The following TUBA1C variants were observed in gnomAD, a reference collection of about 807,000 sequenced individuals.
TUBA1C encodes tubulin alpha-1C chain.
A neutral mutation model predicts 34.9 loss-of-function variants in TUBA1C; 16 were observed. That is an observed-to-expected ratio of 0.46 (90% CI 0.31 to 0.70). TUBA1C has a LOEUF of 0.70. Ranked by LOEUF, TUBA1C falls within the 30% of genes least tolerant of loss-of-function variation. The pLI, the probability that TUBA1C is intolerant of heterozygous loss-of-function variation, is 0.05. For missense variants in TUBA1C, 329 were observed against 587.3 expected, an observed-to-expected ratio of 0.56 and a Z score of 4.55; for synonymous variants, 177 against 215.9, an observed-to-expected ratio of 0.82 and a Z score of 1.58.
intron 1 of TUBA1C, among the ~76,000 whole-genome samples, chr12:49,246,185 C>T (rs985738833): frequency 1.3e-5 from 2 of 149,868 alleles, no homozygotes; most frequent in Non-Finnish European, 3.0e-5. Flanking sequence ...AGATTACAGG[C>T]GTGAGCCACT....
At chr12:49,270,398 G>A (rs1228904459) in intron 3 of TUBA1C, among the ~76,000 whole-genome samples, 10 of 152,208 alleles carry the variant, frequency 6.6e-5, no homozygotes, top group Non-Finnish European at 1.2e-4. Context: ...TGCTGAAAGT[G>A]GAGTCGGGAG....
intron 1 of TUBA1C, among the ~76,000 whole-genome samples, chr12:49,253,647 C>A (rs1942752998): frequency 6.6e-6 from 1 of 152,132 alleles, no homozygotes; most frequent in East Asian, 1.9e-4. Context: ...CCCACCTCAG[C>A]CTCCCCAGTA....
rs1943023399 is a variant in TUBA1C at position 49,273,464 on chromosome 12, ATTG to A, written c.*238_*240del. ...GCAGTGGCATGATAATACATAGCTC[ATTG>A]CAGCCTCGAGCTCCTGGACTCATGT... is the stretch of plus-strand genomic sequence containing the variant. On this transcript the variant is annotated 3_prime_UTR_variant, in exon 4 of 4. Transcript: ENST00000301072. 1.6e-6 allele frequency: 1 copy of A among 635,572 alleles called. No homozygotes were observed. 39.4% of individuals were successfully genotyped at this position (635,572 alleles called of 1,614,324 possible).
upstream of TUBA1C, among the ~76,000 whole-genome samples, chr12:49,261,379 G>C (rs538865701): frequency 6.6e-5 from 10 of 152,178 alleles, no homozygotes; most frequent in East Asian, 1.9e-3. Flanking sequence ...GACTTTTCTA[G>C]GACTTCCCTT....
At chr12:49,231,605 G>A (rs1942497681) in intron 1 of TUBA1C, among the ~76,000 whole-genome samples, 1 of 152,210 alleles carries the variant, frequency 6.6e-6, no homozygotes, top group African/African-American at 2.4e-5. Flanking sequence ...TAACACTGGA[G>A]AGAACACGGC....
intron 1 of TUBA1C, among the ~76,000 whole-genome samples, chr12:49,247,743 C>T (rs2136999532): frequency 6.6e-6 from 1 of 151,736 alleles, no homozygotes; most frequent in Admixed American, 6.6e-5. Flanking sequence ...GTTAGGAGTT[C>T]AAGACCAGCT....
intron 1 of TUBA1C, among the ~76,000 whole-genome samples, chr12:49,240,471 C>T (rs1392613160): frequency 2.0e-5 from 3 of 152,124 alleles, no homozygotes; most frequent in Non-Finnish European, 4.4e-5. Context: ...CTCTCCTCTC[C>T]CCACAAAATA....
At chr12:49,253,292 A>G (rs1048951344) in intron 1 of TUBA1C, among the ~76,000 whole-genome samples, 1 of 152,100 alleles carries the variant, frequency 6.6e-6, no homozygotes, top group African/African-American at 2.4e-5. Context: ...TTGCTAAGTG[A>G]GCACAAACAA....
intron 3 of TUBA1C, among the ~76,000 whole-genome samples, chr12:49,270,978 C>CAAAA (rs1305749548): frequency 2.6e-5 from 4 of 151,430 alleles, no homozygotes; most frequent in Admixed American, 2.6e-4. Context: ...GACTCCATCT[C>CAAAA]AAAAAAACAA....
intron 3 of TUBA1C, among the ~76,000 whole-genome samples, chr12:49,271,924 A>T (rs549711373): frequency 2.0e-5 from 3 of 152,132 alleles, no homozygotes; most frequent in Non-Finnish European, 4.4e-5. Flanking sequence ...TTTCTGCTCA[A>T]GGACTTGATT....
upstream of TUBA1C, among the ~76,000 whole-genome samples, chr12:49,262,799 A>C (rs569141720): frequency 6.6e-6 from 1 of 152,208 alleles, no homozygotes; most frequent in South Asian, 2.1e-4. Flanking sequence ...ATAATAATTT[A>C]GCATATTTTT....
chr12:49,246,544 G>A (rs1198152515), intron 1 of TUBA1C, among the ~76,000 whole-genome samples: 3 of 151,912 alleles, frequency 2.0e-5, no homozygotes, highest in Admixed American at 6.6e-5. Context: ...GTGTGGTGGC[G>A]GGCGCCTATA....
At chr12:49,239,158 A>T (rs1194137085) in intron 1 of TUBA1C, among the ~76,000 whole-genome samples, 2 of 152,152 alleles carry the variant, frequency 1.3e-5, no homozygotes, top group Non-Finnish European at 2.9e-5. Context: ...AAATAACAAA[A>T]GATTGTCTGT....
At chr12:49,235,076 A>G (rs890680846) in intron 1 of TUBA1C, among the ~76,000 whole-genome samples, 1 of 151,474 alleles carries the variant, frequency 6.6e-6, no homozygotes. Flanking sequence ...TCGGCCTCCC[A>G]AAGTGCTGGG....
chr12:49,243,210 A>C (rs73306251), intron 1 of TUBA1C, among the ~76,000 whole-genome samples: 60,992 of 151,872 alleles, frequency 0.4, 14,165 homozygotes, highest in East Asian at 0.83. Context: ...CTTTGGGAGG[A>C]CAAGGTGGGC....
At chr12:49,248,473 C>A (rs899496490) in intron 1 of TUBA1C, among the ~76,000 whole-genome samples, 3 of 150,908 alleles carry the variant, frequency 2.0e-5, no homozygotes, top group African/African-American at 7.3e-5. Flanking sequence ...GAGGCTGAGG[C>A]AGGAGAATCA....
intron 1 of TUBA1C, among the ~76,000 whole-genome samples, chr12:49,238,598 C>G (rs765258599): frequency 6.6e-6 from 1 of 152,116 alleles, no homozygotes; most frequent in African/African-American, 2.4e-5. Flanking sequence ...ATGGCTCACA[C>G]AACTCAAGGA....
At chr12:49,262,463 C>T (rs1042865395), upstream of TUBA1C, among the ~76,000 whole-genome samples, 3 of 146,302 alleles carry the variant, frequency 2.1e-5, no homozygotes, top group Admixed American at 6.8e-5. Flanking sequence ...ATCACTGAAC[C>T]GTGTCTTCTG....
intron 1 of TUBA1C, among the ~76,000 whole-genome samples, chr12:49,258,197 T>C (rs1216411275): frequency 2.6e-5 from 4 of 152,030 alleles, no homozygotes; most frequent in African/African-American, 9.7e-5. Flanking sequence ...TAAAGTTAAT[T>C]TATCATTGAA....
Sources: allele counts gnomAD v4.1 joint callset (sites outside exome capture counted in the v4.1 genomes callset), GRCh38; gene constraint gnomAD v4.1.1; transcripts MANE v1.5; gene names NCBI Gene and HGNC (gene_info 2026-07-23, HGNC 2026-07-21).